Variants in CADM2 observed in about 807,000 individuals in gnomAD.
The protein encoded by CADM2 is immunoglobulin superfamily member 4D.
In CADM2, 12 loss-of-function variants were observed where a neutral mutation model predicts 49.8. The observed-to-expected ratio is 0.24, with a 90% CI of 0.15 to 0.39. CADM2 has a LOEUF of 0.39. Among genes scored for constraint, CADM2 ranks in the 10% least tolerant of loss-of-function variants. The pLI is 1.00. For missense variants in CADM2, 378 were observed against 492.3 expected, an observed-to-expected ratio of 0.77 and a Z score of 2.20; for synonymous variants, 214 against 175.4, an observed-to-expected ratio of 1.22 and a Z score of -1.74.
chr3:85,519,174 A>T (rs2060973303), intron 1 of CADM2, among the ~76,000 whole-genome samples: 1 of 152,092 alleles, frequency 6.6e-6, no homozygotes, highest in Non-Finnish European at 1.5e-5. Context: ...TCAAGTCCAC[A>T]TTCTCGCTTG....
chr3:85,649,616 A>G (rs1231585602), intron 1 of CADM2, among the ~76,000 whole-genome samples: 5 of 152,232 alleles, frequency 3.3e-5, no homozygotes, highest in Non-Finnish European at 5.9e-5. Context: ...AAGCAGATTT[A>G]TGAGATTATA....
At chr3:85,090,749 A>G (rs2107522917) in intron 1 of CADM2, among the ~76,000 whole-genome samples, 1 of 152,294 alleles carries the variant, frequency 6.6e-6, no homozygotes, top group African/African-American at 2.4e-5. Context: ...CAGCGGCATT[A>G]GATTCTCATA....
At chr3:85,670,800 C>T (rs931277640) in intron 1 of CADM2, among the ~76,000 whole-genome samples, 12 of 152,252 alleles carry the variant, frequency 7.9e-5, no homozygotes, top group African/African-American at 2.9e-4. Flanking sequence ...AGAATGTTGT[C>T]ATTCATAGCA....
chr3:85,012,319 T>A (rs781486302), intron 1 of CADM2, among the ~76,000 whole-genome samples: 270 of 113,382 alleles, frequency 2.4e-3, no homozygotes, highest in Non-Finnish European at 3.3e-3. Context: ...TGCAAAATGC[T>A]TTTTTTTTTT....
intron 1 of CADM2, among the ~76,000 whole-genome samples, chr3:85,530,590 A>G (rs1399760810): frequency 6.6e-6 from 1 of 151,870 alleles, no homozygotes; most frequent in Non-Finnish European, 1.5e-5. Context: ...TGGCCTCCCA[A>G]AGTGCTGGGA....
chr3:85,562,430 A>C (rs1214470885), intron 1 of CADM2, among the ~76,000 whole-genome samples: 1 of 140,102 alleles, frequency 7.1e-6, no homozygotes, highest in Non-Finnish European at 1.5e-5. Context: ...GTGAGCTGAG[A>C]TAGTGCCATT....
At chr3:85,379,027 C>T (rs959231287) in intron 1 of CADM2, among the ~76,000 whole-genome samples, 3 of 151,824 alleles carry the variant, frequency 2.0e-5, no homozygotes, top group African/African-American at 7.3e-5. Context: ...TATTTTAGAG[C>T]TATTACTAGT....
intron 6 of CADM2, among the ~76,000 whole-genome samples, chr3:85,925,902 C>T (rs1194521958): frequency 6.6e-6 from 1 of 151,926 alleles, no homozygotes; most frequent in Non-Finnish European, 1.5e-5. Context: ...CTTTGGGAGG[C>T]CAAGGAGGGC....
At chr3:85,423,049 TG>T (rs2036246587) in intron 1 of CADM2, among the ~76,000 whole-genome samples, 1 of 151,998 alleles carries the variant, frequency 6.6e-6, no homozygotes, top group Non-Finnish European at 1.5e-5. Flanking sequence ...TATTGAGAGA[TG>T]GAGGTGGCTT....
At chr3:85,801,750 C>A (rs2072055790) in intron 2 of CADM2, among the ~76,000 whole-genome samples, 1 of 151,976 alleles carries the variant, frequency 6.6e-6, no homozygotes, top group African/African-American at 2.4e-5. Context: ...TAATGCAAAG[C>A]CTAGGGAAAG....
At chr3:85,677,143 A>G (rs944409400) in intron 1 of CADM2, among the ~76,000 whole-genome samples, 3 of 152,154 alleles carry the variant, frequency 2.0e-5, no homozygotes, top group African/African-American at 7.2e-5. Flanking sequence ...TAATACACTT[A>G]GGTTAAGCTC....
At chr3:85,503,549 T>C (rs953511759) in intron 1 of CADM2, among the ~76,000 whole-genome samples, 12 of 152,318 alleles carry the variant, frequency 7.9e-5, no homozygotes, top group African/African-American at 1.7e-4. Flanking sequence ...CTTTGAAGAA[T>C]TGTGTTTCCT....
intron 1 of CADM2, among the ~76,000 whole-genome samples, chr3:85,265,614 A>G (rs1474058484): frequency 6.6e-6 from 1 of 152,060 alleles, no homozygotes; most frequent in African/African-American, 2.4e-5. Context: ...CTAATCACCA[A>G]TTAAAAGTCC....
intron 2 of CADM2, 70 bp from the exon 3 acceptor site, chr3:85,801,977 G>C: frequency 7.6e-7 from 1 of 1,319,262 alleles, no homozygotes; most frequent in Non-Finnish European, 1.1e-6. Context: ...GTTAAGGCCA[G>C]TGTAGATCTT....
At chr3:86,043,225 G>T (rs1368259099) in intron 8 of CADM2, among the ~76,000 whole-genome samples, 1 of 152,112 alleles carries the variant, frequency 6.6e-6, no homozygotes, top group East Asian at 1.9e-4. Flanking sequence ...GGAAGTTCTG[G>T]CCAGGGCAAT....
At chr3:85,721,822 G>A (rs1255562138) in intron 1 of CADM2, among the ~76,000 whole-genome samples, 1 of 152,206 alleles carries the variant, frequency 6.6e-6, no homozygotes. Flanking sequence ...TGGCAAGCAA[G>A]GAGCATGTCT....
chr3:85,886,248 G>T lies in CADM2; in HGVS notation c.450G>T (p.Leu150Phe). ...GFSSPVMEGDLMQLTCKTSGS... is the reference protein window; with the variant it reads ...GFSSPVMEGDFMQLTCKTSGS... The stretch of plus-strand genomic sequence containing the variant: ...CATCACCAGTTATGGAGGGTGACTT[G>T]ATGCAGCTGACTTGCAAAACATCTG... The change falls in exon 5 of 10, where the codon TTG (leucine) becomes TTT (phenylalanine). Residue 150 changes from leucine (L) to phenylalanine (F), a missense_variant. By Grantham distance (22) the Leu-to-Phe change is conservative. Transcript: ENST00000383699. The T allele has an allele frequency of 6.2e-7, 1 of 1,613,974 alleles. No homozygotes were observed. Among genetic ancestry groups the T allele is most frequent in the Non-Finnish European group, 8.5e-7 (1 of 1,179,942 alleles).
At chr3:85,393,166 T>A in intron 1 of CADM2, among the ~76,000 whole-genome samples, 1 of 151,810 alleles carries the variant, frequency 6.6e-6, no homozygotes, top group Admixed American at 6.6e-5. Flanking sequence ...ACAATGGAAC[T>A]GTAAAGAGCT....
chr3:86,041,877 T>A (rs1211014705), intron 8 of CADM2, among the ~76,000 whole-genome samples: 3 of 152,178 alleles, frequency 2.0e-5, no homozygotes, highest in Admixed American at 2.0e-4. Context: ...TAACAAACTG[T>A]CTGTCAGATC....
Sources: allele counts gnomAD v4.1 joint callset (sites outside exome capture counted in the v4.1 genomes callset), GRCh38; gene constraint gnomAD v4.1.1; transcripts MANE v1.5; gene names NCBI Gene and HGNC (gene_info 2026-07-23, HGNC 2026-07-21).